LRFN5: variants seen among roughly 807,000 people sequenced by gnomAD.
LRFN5 encodes leucine rich repeat and fibronectin type III domain containing 5.
LRFN5 carries 24 observed loss-of-function variants against 45.6 expected under a neutral mutation model. That is an observed-to-expected ratio of 0.53 (90% CI 0.38 to 0.74). The LOEUF is 0.74. Among genes scored for constraint, LRFN5 ranks in the 30% least tolerant of loss-of-function variants. LRFN5 has a pLI of 0.00. For synonymous variants in LRFN5, 340 were observed against 313.8 expected, an observed-to-expected ratio of 1.08 and a Z score of -0.88; for missense variants, 776 against 861.5, an observed-to-expected ratio of 0.90 and a Z score of 1.24.
intron 1 of LRFN5, among the ~76,000 whole-genome samples, chr14:41,752,953 G>A: frequency 6.6e-6 from 1 of 152,152 alleles, no homozygotes. Flanking sequence ...TAAGGTGTAA[G>A]GAAGGGATCC....
intron 1 of LRFN5, among the ~76,000 whole-genome samples, chr14:41,675,051 C>G (rs542749462): frequency 2.7e-5 from 4 of 149,732 alleles, no homozygotes; most frequent in Non-Finnish European, 5.9e-5. Flanking sequence ...GGATGGCGGC[C>G]AGGAAGAGGC....
chr14:41,851,839 A>G (rs1008170279), intron 2 of LRFN5, among the ~76,000 whole-genome samples: 2 of 151,790 alleles, frequency 1.3e-5, no homozygotes, highest in African/African-American at 4.8e-5. Context: ...TAATAAACCA[A>G]TATTAATGGG....
At chr14:41,868,329 T>C (rs1278978289) in intron 2 of LRFN5, among the ~76,000 whole-genome samples, 1 of 152,102 alleles carries the variant, frequency 6.6e-6, no homozygotes, top group Non-Finnish European at 1.5e-5. Flanking sequence ...GAACTAGAAC[T>C]TTAGGACAAA....
At chr14:41,734,029 C>CTTTTTTTTTT (rs58623215) in intron 1 of LRFN5, among the ~76,000 whole-genome samples, 3 of 123,872 alleles carry the variant, frequency 2.4e-5, no homozygotes, top group Admixed American at 8.5e-5. Context: ...CTTTTCTTTT[C>CTTTTTTTTTT]TTTTTTTTTT....
At chr14:41,746,116 C>A (rs1214432513) in intron 1 of LRFN5, among the ~76,000 whole-genome samples, 1 of 151,914 alleles carries the variant, frequency 6.6e-6, no homozygotes, top group Non-Finnish European at 1.5e-5. Flanking sequence ...AAATACTAGC[C>A]AACTGAATTC....
intron 2 of LRFN5, among the ~76,000 whole-genome samples, chr14:41,833,745 CA>C (rs1888565559): frequency 6.6e-6 from 1 of 152,166 alleles, no homozygotes; most frequent in Non-Finnish European, 1.5e-5. Context: ...TTAACTTTGT[CA>C]AATTATTTTT....
chr14:41,792,414 T>C (rs892974239), intron 2 of LRFN5, among the ~76,000 whole-genome samples: 6 of 151,926 alleles, frequency 3.9e-5, no homozygotes, highest in Admixed American at 2.0e-4. Context: ...GTGGAGTTTT[T>C]CCCCACCCTA....
intron 2 of LRFN5, among the ~76,000 whole-genome samples, chr14:41,770,824 G>A (rs375583232): frequency 1.2e-4 from 18 of 152,240 alleles, no homozygotes; most frequent in African/African-American, 4.3e-4. Context: ...ACTAGACAGT[G>A]TCCTGGTGGA....
chr14:41,721,323 G>A lies in LRFN5; in HGVS notation c.-196-45531G>A, dbSNP rs926435205. Among the ~76,000 whole-genome samples the A allele has an allele frequency of 2.6e-5, 4 of 152,008 alleles. 1 individual carries two copies. Among genetic ancestry groups the A allele is most frequent in the Admixed American group, 1.3e-4 (2 of 15,258 alleles). ...ATGGATGAATCTTGCTTTTTAATCC[G>A]ACTTGCAATTCTGTGCCTGTTAAAT... On this transcript the variant is annotated intron_variant, in intron 1 of 5. Transcript: ENST00000298119.
At chr14:41,609,970 T>G (rs1346895399) in intron 1 of LRFN5, 1 of 152,488 alleles carries the variant, frequency 6.6e-6, no homozygotes, top group Non-Finnish European at 1.5e-5. Flanking sequence ...CGTCCCCAAC[T>G]CCTCTTCGAG....
At chr14:41,630,559 A>T (rs1304378375) in intron 1 of LRFN5, among the ~76,000 whole-genome samples, 2 of 152,054 alleles carry the variant, frequency 1.3e-5, no homozygotes, top group African/African-American at 4.8e-5. Flanking sequence ...TGTAATTACT[A>T]TTTATTTGTT....
At chr14:41,730,442 A>C (rs2138791705) in intron 1 of LRFN5, among the ~76,000 whole-genome samples, 1 of 152,098 alleles carries the variant, frequency 6.6e-6, no homozygotes, top group South Asian at 2.1e-4. Flanking sequence ...AATATAATGG[A>C]CTTGCAAGGA....
At chr14:41,851,668 T>C (rs1889272721) in intron 2 of LRFN5, among the ~76,000 whole-genome samples, 1 of 151,838 alleles carries the variant, frequency 6.6e-6, no homozygotes, top group East Asian at 1.9e-4. Context: ...ATGCTGTAAA[T>C]GTAATTTTAA....
intron 1 of LRFN5, among the ~76,000 whole-genome samples, chr14:41,674,233 G>A (rs1594604032): frequency 7.4e-6 from 1 of 135,928 alleles, no homozygotes; most frequent in Non-Finnish European, 1.6e-5. Context: ...CGGACGGGGC[G>A]GCTGGCCGGG....
intron 1 of LRFN5, among the ~76,000 whole-genome samples, chr14:41,731,570 A>T (rs866926722): frequency 6.6e-6 from 1 of 152,092 alleles, no homozygotes; most frequent in Non-Finnish European, 1.5e-5. Context: ...CTTGCATCAG[A>T]TAGATCTGTA....
At chr14:41,658,636 A>G (rs1378358059) in intron 1 of LRFN5, among the ~76,000 whole-genome samples, 2 of 152,100 alleles carry the variant, frequency 1.3e-5, no homozygotes, top group South Asian at 4.1e-4. Context: ...CAATTATCCT[A>G]TTAAAAGGTT....
intron 1 of LRFN5, among the ~76,000 whole-genome samples, chr14:41,758,964 T>C (rs1885531733): frequency 6.6e-6 from 1 of 152,172 alleles, no homozygotes; most frequent in South Asian, 2.1e-4. Flanking sequence ...AAAAATGTAA[T>C]TTGTTGTATG....
rs542716174 is a variant in LRFN5 at position 41,877,632 on chromosome 14, G to GTA, written c.-20-8965_-20-8964dup. Among the ~76,000 whole-genome samples the GTA allele has an allele frequency of 4.5e-3, 674 of 151,188 alleles. 2 individuals carry two copies. The highest frequency in any genetic ancestry group is 0.016 in the African/African-American group (646 of 40,766). ...TCATGGTAAAAATACATGTGTGTGT[G>GTA]TATATATATACACACGCACATGTTG... On this transcript the variant is annotated intron_variant, in intron 2 of 5. Coordinates refer to ENST00000298119, the MANE Select transcript of LRFN5 (RefSeq NM_152447.5).
At chr14:41,859,428 G>A (rs1444999576) in intron 2 of LRFN5, among the ~76,000 whole-genome samples, 21 of 152,140 alleles carry the variant, frequency 1.4e-4, no homozygotes, top group Non-Finnish European at 3.1e-4. Context: ...GTAACCTCAC[G>A]AGGAAAGACC....
Sources: gnomAD v4.1 joint callset for allele counts (sites outside exome capture counted in the v4.1 genomes callset) on GRCh38, gnomAD v4.1.1 for gene constraint, MANE v1.5 for transcripts, NCBI Gene and HGNC (gene_info 2026-07-23, HGNC 2026-07-21) for gene names.